The following GALNT6 variants were observed in gnomAD, a reference collection of about 807,000 sequenced individuals.
GALNT6 encodes the protein polypeptide N-acetylgalactosaminyltransferase 6, also known as GalNAc transferase 6.
GALNT6 carries 51 observed loss-of-function variants against 65.9 expected under a neutral mutation model. The ratio of observed to expected loss-of-function variants is 0.77; its 90% confidence interval spans 0.62 to 0.98. GALNT6 has a LOEUF of 0.98. Ranked by LOEUF, GALNT6 falls within the 50% of genes least tolerant of loss-of-function variation. The probability of loss-of-function intolerance (pLI) is 0.00; values close to 1 mark genes in which losing one functional copy is unlikely to be tolerated. For missense variants in GALNT6, 708 were observed against 803.3 expected, an observed-to-expected ratio of 0.88 and a Z score of 1.43; for synonymous variants, 323 against 315.1, an observed-to-expected ratio of 1.02 and a Z score of -0.26.
At chr12:51,369,202 A>AG (rs564803871) in intron 4 of GALNT6, among the ~76,000 whole-genome samples, 2 of 152,150 alleles carry the variant, frequency 1.3e-5, no homozygotes, top group Non-Finnish European at 2.9e-5. Context: ...TGTGAACCTC[A>AG]GGGGGGGCCC....
At position 51,354,460 on chromosome 12, in the gene GALNT6, G is replaced by A; in HGVS notation, c.1788C>T (p.Thr596=). The change falls in exon 12 of 12, where the codon ACC becomes ACT. Residue 596 remains threonine, a synonymous_variant. Coordinates refer to ENST00000356317, the MANE Select transcript of GALNT6 (RefSeq NM_007210.4). ...GCTTTTTGTCCTGGGATGTCAGGCA[G>A]GTACCAGATCCTGAGTTCCTGATGA... ...DQLIRNSGSG[T]CLTSQDKKPA... is the part of the protein sequence containing the mutation. 1.3e-6 allele frequency: 2 copies of A among 1,597,246 alleles called. No homozygotes were observed. The highest frequency in any genetic ancestry group is 1.7e-6 in the Non-Finnish European group (2 of 1,173,152).
At chr12:51,390,383 C>T (rs918578936) in intron 2 of GALNT6, among the ~76,000 whole-genome samples, 2 of 151,972 alleles carry the variant, frequency 1.3e-5, no homozygotes, top group African/African-American at 4.8e-5. Context: ...AGGCTGGTCT[C>T]GAACTCCTGA....
rs1329465731 is a variant in GALNT6 at position 51,355,864 on chromosome 12, C to T, written c.1697G>A (p.Cys566Tyr). The part of the protein sequence containing the change: ...VSKGALGLGS[C>Y]HFTGKNSQVP... ...CTGGCTATTCTTGCCAGTGAAGTGA[C>T]AGCTCCCAAGGCCCAGAGCACCCTT... Residue 566 changes from cysteine (C) to tyrosine (Y), a missense_variant, in exon 11 of 12, where the codon TGT (cysteine) becomes TAT (tyrosine). Cys to Tyr is a radical substitution (Grantham distance 194, BLOSUM62 -2). Transcript: ENST00000356317. 1 of 1,613,974 alleles carries T rather than the reference C, an allele frequency of 6.2e-7. No individual in the cohort carries two copies. The highest frequency in any genetic ancestry group is 1.1e-5 in the South Asian group (1 of 91,086).
At chr12:51,368,830 A>G (rs10161277) in intron 4 of GALNT6, among the ~76,000 whole-genome samples, 98,310 of 152,068 alleles carry the variant, frequency 0.65, 32,081 homozygotes, top group Non-Finnish European at 0.67. Context: ...AACTCCAGGA[A>G]TGAGGCCTCT....
At chr12:51,355,676 G>T in intron 11 of GALNT6, 130 bp downstream of exon 11, 2 of 716,922 alleles carry the variant, frequency 2.8e-6, no homozygotes, top group Non-Finnish European at 4.6e-6. Flanking sequence ...CACCATGTTG[G>T]CCAGGTGGTC....
chr12:51,377,167 C>T (rs761337504), intron 4 of GALNT6, 28 bp downstream of exon 4: 1 of 1,608,076 alleles, frequency 6.2e-7, no homozygotes. Context: ...AGACCCCGGC[C>T]CCCTCCTCTG....
intron 2 of GALNT6, among the ~76,000 whole-genome samples, chr12:51,390,176 T>TTTC (rs1948003663): frequency 6.9e-6 from 1 of 145,102 alleles, no homozygotes; most frequent in Non-Finnish European, 1.5e-5. Flanking sequence ...TTTTTTTTTT[T>TTTC]TTTGAGACAG....
At chr12:51,389,460 T>A (rs913942577) in intron 2 of GALNT6, among the ~76,000 whole-genome samples, 1 of 152,264 alleles carries the variant, frequency 6.6e-6, no homozygotes, top group Non-Finnish European at 1.5e-5. Flanking sequence ...TTCAGGCCTA[T>A]GTATCTCCAA....
Position 51,352,845 on chromosome 12 carries a change from T to C in GALNT6, c.*1534A>G, listed in dbSNP as rs903180468. On this transcript the variant is annotated 3_prime_UTR_variant, in exon 12 of 12. Transcript: ENST00000356317. ...CGCCACCATGCCTGGCTAATTTTTA[T>C]ATTTTTAGTAGAGATGGGGTTTTAC... The C allele has an allele frequency of 6.6e-6, 1 of 152,266 alleles. No individual in the cohort carries two copies. Among genetic ancestry groups the C allele is most frequent in the African/African-American group, 2.4e-5 (1 of 41,454 alleles). 9.4% of individuals were successfully genotyped at this position (152,266 alleles called of 1,614,324 possible). A position where few individuals can be genotyped will look rare whatever the true frequency, so the allele number is the denominator to read the frequency against.
intron 5 of GALNT6, 31 bp from the exon 6 acceptor site, chr12:51,364,386 G>A: frequency 2.7e-6 from 4 of 1,500,736 alleles, no homozygotes; most frequent in Non-Finnish European, 3.7e-6. Context: ...GCAGCAGTCA[G>A]GGCCCTGCCC....
chr12:51,355,697 G>C, intron 11 of GALNT6, 109 bp downstream of exon 11: 1 of 990,822 alleles, frequency 1.0e-6, no homozygotes, highest in Non-Finnish European at 1.5e-6. Context: ...TCGAACTCCT[G>C]ACCTCGTGAT....
At chr12:51,371,381 C>G (rs1482338152) in intron 4 of GALNT6, among the ~76,000 whole-genome samples, 1 of 152,164 alleles carries the variant, frequency 6.6e-6, no homozygotes, top group Admixed American at 6.5e-5. Flanking sequence ...ATGGGCCCGG[C>G]TCCTTACACC....
At chr12:51,380,185 A>G (rs1225185960) in intron 2 of GALNT6, among the ~76,000 whole-genome samples, 1 of 152,182 alleles carries the variant, frequency 6.6e-6, no homozygotes, top group Non-Finnish European at 1.5e-5. Context: ...ACAACTTGGT[A>G]TTATCAAGAA....
chr12:51,356,396 GTTGCT>G (rs894430445), intron 10 of GALNT6, among the ~76,000 whole-genome samples: 19 of 105,880 alleles, frequency 1.8e-4, no homozygotes, highest in Non-Finnish European at 3.0e-4. Flanking sequence ...GTCTTGCTCT[GTTGCT>G]TAAGCTAGAG....
In GALNT6 at chr12:51,353,196, TAAA is replaced by T. The variant is rs1447963218; in HGVS notation, c.*1180_*1182del. The T allele has an allele frequency of 6.6e-6, 1 of 152,188 alleles. No individual in the cohort carries two copies. The highest frequency in any genetic ancestry group is 1.5e-5 in the Non-Finnish European group (1 of 68,054). 9.4% of individuals were successfully genotyped at this position (152,188 alleles called of 1,614,324 possible). A position where few individuals can be genotyped will look rare whatever the true frequency, so the allele number is the denominator to read the frequency against. On this transcript the variant is annotated 3_prime_UTR_variant, in exon 12 of 12. Coordinates refer to ENST00000356317, the MANE Select transcript of GALNT6 (RefSeq NM_007210.4). ...ACCTGTGTCTCAGTTTTCGTATCTG[TAAA>T]ATAGGCACAGTGGTTTCTGTCCTGT...
At chr12:51,364,489 C>A (rs1002743258) in intron 5 of GALNT6, 134 bp from the exon 6 acceptor site, 5 of 638,466 alleles carry the variant, frequency 7.8e-6, no homozygotes, top group Non-Finnish European at 8.2e-6. Flanking sequence ...AGCCCCACAG[C>A]TACAGGGAGC....
chr12:51,375,839 G>A (rs909632361), intron 4 of GALNT6, among the ~76,000 whole-genome samples: 3 of 151,992 alleles, frequency 2.0e-5, no homozygotes, highest in Admixed American at 6.6e-5. Context: ...TTACAGGCGT[G>A]AGCCACCACG....
intron 8 of GALNT6, among the ~76,000 whole-genome samples, chr12:51,358,883 C>T (rs1946831353): frequency 6.6e-6 from 1 of 152,150 alleles, no homozygotes; most frequent in Non-Finnish European, 1.5e-5. Flanking sequence ...GCTTTTCCTC[C>T]AAATCTCCTT....
At chr12:51,356,705 C>A (rs958149360) in intron 10 of GALNT6, among the ~76,000 whole-genome samples, 7 of 152,052 alleles carry the variant, frequency 4.6e-5, no homozygotes. Context: ...TTAACTTAGC[C>A]TCATTTTAAG....
Sources: allele counts gnomAD v4.1 joint callset (sites outside exome capture counted in the v4.1 genomes callset), GRCh38; gene constraint gnomAD v4.1.1; transcripts MANE v1.5; gene names NCBI Gene and HGNC (gene_info 2026-07-23, HGNC 2026-07-21).